The following RSU1 variants were observed in gnomAD, a reference collection of about 807,000 sequenced individuals.
The protein encoded by RSU1 is rsu-1.
A neutral mutation model predicts 31.1 loss-of-function variants in RSU1; 26 were observed. The observed-to-expected ratio is 0.84, with a 90% CI of 0.61 to 1.16. The LOEUF is 1.16. RSU1 is among the 50% of genes most tolerant of loss of function. RSU1 has a pLI of 0.00. For synonymous variants in RSU1, 164 were observed against 136.3 expected (o/e 1.20, Z -1.41); for missense variants, 320 against 339.1 (o/e 0.94, Z 0.44).
At chr10:16,782,215 A>C (rs1837668982) in intron 2 of RSU1, 131 bp from the exon 3 acceptor site, 1 of 661,612 alleles carries the variant, frequency 1.5e-6, no homozygotes, top group Non-Finnish European at 2.6e-6. Flanking sequence ...ACCAAAATAG[A>C]AGCTAGGATT....
intron 2 of RSU1, among the ~76,000 whole-genome samples, chr10:16,800,677 CA>C (rs1564362720): frequency 6.6e-6 from 1 of 152,046 alleles, no homozygotes; most frequent in Non-Finnish European, 1.5e-5. Context: ...CTATAAAGAA[CA>C]ACAAGAAGGA....
At chr10:16,719,397 C>A (rs897378327) in intron 7 of RSU1, among the ~76,000 whole-genome samples, 4 of 152,284 alleles carry the variant, frequency 2.6e-5, no homozygotes, top group South Asian at 4.1e-4. Context: ...TTCCATCAGA[C>A]AATGGTGGCT....
intron 3 of RSU1, among the ~76,000 whole-genome samples, chr10:16,765,203 T>C (rs1411222023): frequency 1.3e-5 from 2 of 152,190 alleles, no homozygotes; most frequent in African/African-American, 2.4e-5. Context: ...GCTGCTTAAA[T>C]AACCCAGTAT....
intron 8 of RSU1, among the ~76,000 whole-genome samples, chr10:16,634,049 A>G (rs892678425): frequency 6.6e-6 from 1 of 152,222 alleles, no homozygotes; most frequent in Non-Finnish European, 1.5e-5. Context: ...TATTTATCAG[A>G]CAGCTTCCAC....
At chr10:16,762,514 G>GA (rs140981728) in intron 4 of RSU1, among the ~76,000 whole-genome samples, 223 of 139,494 alleles carry the variant, frequency 1.6e-3, no homozygotes, top group Admixed American at 1.9e-3. Flanking sequence ...TTTGTAGGGA[G>GA]AAAAAAAAAA....
chr10:16,602,921 C>T (rs73599197), intron 8 of RSU1, among the ~76,000 whole-genome samples: 5,199 of 152,238 alleles, frequency 0.034, 294 homozygotes, highest in African/African-American at 0.12. Context: ...TTTCTCCTAG[C>T]CGGCGGCTAT....
At chr10:16,645,447 A>G (rs963668914) in intron 8 of RSU1, among the ~76,000 whole-genome samples, 9 of 135,178 alleles carry the variant, frequency 6.7e-5, no homozygotes, top group African/African-American at 1.6e-4. Flanking sequence ...TTTCCAAAAG[A>G]AAAAATTTCT....
intron 8 of RSU1, among the ~76,000 whole-genome samples, chr10:16,672,238 A>T (rs1340573925): frequency 1.3e-5 from 2 of 151,498 alleles, no homozygotes; most frequent in Non-Finnish European, 2.9e-5. Context: ...TGAACCCGGG[A>T]GGCAGAGCTT....
At chr10:16,722,983 C>G (rs1210507772) in intron 7 of RSU1, 1 of 149,274 alleles carries the variant, frequency 6.7e-6, no homozygotes, top group South Asian at 2.1e-4. Context: ...TATATATACA[C>G]ACATATACAT....
At chr10:16,652,300 T>C (rs769902164) in intron 8 of RSU1, among the ~76,000 whole-genome samples, 3 of 146,924 alleles carry the variant, frequency 2.0e-5, no homozygotes, top group African/African-American at 7.5e-5. Context: ...AAGAAGCATG[T>C]CATCAGTAAA....
In RSU1 at chr10:16,591,777, T is replaced by G. The variant is rs1265741364; in HGVS notation, c.*1617A>C. 6.6e-6 allele frequency: 1 copy of G among 152,222 alleles called. No individual in the cohort carries two copies. Among genetic ancestry groups the G allele is most frequent in the Non-Finnish European group, 1.5e-5 (1 of 68,040 alleles). 9.4% of individuals were successfully genotyped at this position (152,222 alleles called of 1,614,324 possible). Reference sequence around the variant, plus strand: ...GCTTTCTTGCTGGTTTAATTTTAGGTTAAGTCTTTCCTATCCACAACAGCA... The same window carrying G: ...GCTTTCTTGCTGGTTTAATTTTAGGGTAAGTCTTTCCTATCCACAACAGCA... On this transcript the variant is annotated 3_prime_UTR_variant, in exon 9 of 9. Transcript: ENST00000345264.
At chr10:16,601,608 C>T (rs1261384515) in intron 8 of RSU1, among the ~76,000 whole-genome samples, 1 of 152,208 alleles carries the variant, frequency 6.6e-6, no homozygotes, top group Non-Finnish European at 1.5e-5. Context: ...GTGTCCTACA[C>T]AGGATGTCTG....
rs574749754 is a variant in RSU1 at position 16,814,348 on chromosome 10, T to A, written c.109+2625A>T. Among the ~76,000 whole-genome samples the A allele has an allele frequency of 2.7e-5, 4 of 148,312 alleles. No homozygotes were observed. The South Asian group carries it at 8.5e-4, about 31-fold the overall frequency. The stretch of plus-strand genomic sequence containing the variant: ...CTATAGTCCCAGCTACTCGGGAGGC[T>A]GAGGTGGGAGGATTGCTTGAGCCTG... On this transcript the variant is annotated intron_variant, in intron 2 of 8. Transcript: ENST00000345264.
At chr10:16,760,115 T>G (rs1040823706) in intron 4 of RSU1, among the ~76,000 whole-genome samples, 4 of 152,168 alleles carry the variant, frequency 2.6e-5, no homozygotes, top group African/African-American at 9.7e-5. Context: ...GCTATGTAAT[T>G]AAATACAAAA....
At chr10:16,749,573 A>C (rs1412104130) in intron 7 of RSU1, among the ~76,000 whole-genome samples, 2 of 152,142 alleles carry the variant, frequency 1.3e-5, no homozygotes, top group Non-Finnish European at 2.9e-5. Context: ...ACTGCCCATC[A>C]GCCAGCCCGG....
chr10:16,595,969 GA>G lies in RSU1; in HGVS notation c.732-2474del, dbSNP rs945054697. The stretch of plus-strand genomic sequence containing the variant: ...GGCAACAGAGTGAGACTCTGTCTCA[GA>G]AAAAAAAAAATCTGCTCCATGAAAG... On this transcript the variant is annotated intron_variant, in intron 8 of 8. Coordinates refer to ENST00000345264, the MANE Select transcript of RSU1 (RefSeq NM_012425.4). Among the ~76,000 whole-genome samples, 39 of 147,012 alleles carry G rather than the reference GA, an allele frequency of 2.7e-4. No individual in the cohort carries two copies. The East Asian group carries it at 3.7e-3, about 14-fold the overall frequency.
intron 2 of RSU1, among the ~76,000 whole-genome samples, chr10:16,800,312 T>A (rs1838126112): frequency 6.6e-6 from 1 of 152,184 alleles, no homozygotes; most frequent in Non-Finnish European, 1.5e-5. Context: ...TTAATATGAT[T>A]GATATGCTAA....
intron 2 of RSU1, among the ~76,000 whole-genome samples, chr10:16,791,885 G>T (rs2131661907): frequency 6.6e-6 from 1 of 152,278 alleles, no homozygotes; most frequent in Middle Eastern, 3.4e-3. Context: ...TCTGGAACTT[G>T]TCTCCATAGT....
At chr10:16,706,241 G>A (rs1345782731) in intron 7 of RSU1, among the ~76,000 whole-genome samples, 1 of 152,146 alleles carries the variant, frequency 6.6e-6, no homozygotes, top group Non-Finnish European at 1.5e-5. Flanking sequence ...CAGTGCTCAA[G>A]GGTTCCCAAC....
Sources: gnomAD v4.1 joint callset for allele counts (sites outside exome capture counted in the v4.1 genomes callset) on GRCh38, gnomAD v4.1.1 for gene constraint, MANE v1.5 for transcripts, NCBI Gene and HGNC (gene_info 2026-07-23, HGNC 2026-07-21) for gene names.